FAXC: variants seen among roughly 807,000 people sequenced by gnomAD.
FAXC encodes failed axon connections homolog, metaxin like GST domain containing.
FAXC carries 10 observed loss-of-function variants against 41.9 expected under a neutral mutation model. The ratio of observed to expected loss-of-function variants is 0.24; its 90% CI spans 0.15 to 0.41. The LOEUF is 0.41. Among genes scored for constraint, FAXC ranks in the 10% least tolerant of loss-of-function variants. The pLI is 1.00. For missense variants in FAXC, 399 were observed against 510.9 expected, an observed-to-expected ratio of 0.78 and a Z score of 2.11; for synonymous variants, 183 against 183.8, an observed-to-expected ratio of 1.00 and a Z score of 0.03.
intron 2 of FAXC, among the ~76,000 whole-genome samples, chr6:99,336,683 A>G (rs573216951): frequency 1.3e-5 from 2 of 152,276 alleles, no homozygotes; most frequent in African/African-American, 4.8e-5. Flanking sequence ...TTATTCACGG[A>G]GTGACCCTGG....
In FAXC at chr6:99,349,568, G is replaced by A. The variant is rs569729316; in HGVS notation, c.-196C>T. ...AGGAAGGGCACTGGCCGCGGACGGC[G>A]GGCCTGGCCGGCGGGGCCCCAGAGC... On this transcript the variant is annotated 5_prime_UTR_variant, in exon 1 of 6. Transcript: ENST00000389677. The A allele has an allele frequency of 2.7e-5, 6 of 219,480 alleles. No homozygotes were observed. The highest frequency in any genetic ancestry group is 1.4e-4 in the South Asian group (1 of 6,964). 13.6% of individuals were successfully genotyped at this position (219,480 alleles called of 1,614,324 possible).
At chr6:99,344,433 C>G (rs1408203600) in intron 1 of FAXC, among the ~76,000 whole-genome samples, 4 of 152,188 alleles carry the variant, frequency 2.6e-5, no homozygotes, top group Admixed American at 1.3e-4. Flanking sequence ...CCCCTTCTTT[C>G]TACCTAAGCA....
chr6:99,314,059 G>A (rs1772244356), intron 4 of FAXC, among the ~76,000 whole-genome samples: 1 of 152,124 alleles, frequency 6.6e-6, no homozygotes, highest in Non-Finnish European at 1.5e-5. Context: ...GCTATTCACA[G>A]TTGTAATCAC....
At chr6:99,308,130 C>T (rs1163203424) in intron 4 of FAXC, among the ~76,000 whole-genome samples, 2 of 152,122 alleles carry the variant, frequency 1.3e-5, no homozygotes, top group African/African-American at 4.8e-5. Flanking sequence ...AACCTCGTCT[C>T]TACTAAAAAT....
rs986520648 is a variant in FAXC, at chr6:99,291,711, C to T, written c.933G>A (p.Leu311=). 5 of 1,612,544 alleles carry T rather than the reference C, an allele frequency of 3.1e-6. No individual in the cohort carries two copies. The African/African-American group carries it at 5.3e-5, about 17-fold the overall frequency. The change falls in exon 5 of 6, where the codon CTG becomes CTA. Residue 311 remains leucine (L), a synonymous_variant. Coordinates refer to ENST00000389677, the MANE Select transcript of FAXC (RefSeq NM_032511.4). The part of the protein sequence containing the change: ...WTLPGTRPER[L]IKGELINLAM... ...GAAGAGTGTAGGGCTTGCCTTTGATCAGCCGTTCGGGTCTTGTCCCTGGTA... is the reference window on the plus strand; with the variant it reads ...GAAGAGTGTAGGGCTTGCCTTTGATTAGCCGTTCGGGTCTTGTCCCTGGTA...
At chr6:99,318,210 G>A (rs1222324912) in intron 4 of FAXC, among the ~76,000 whole-genome samples, 7 of 150,704 alleles carry the variant, frequency 4.6e-5, no homozygotes, top group Admixed American at 1.3e-4. Flanking sequence ...AGTGAGCCAA[G>A]ACGGCGCCAC....
chr6:99,304,244 CCATTG>C (rs1470656142), intron 4 of FAXC, among the ~76,000 whole-genome samples: 1 of 151,954 alleles, frequency 6.6e-6, no homozygotes, highest in East Asian at 1.9e-4. Flanking sequence ...CGAGATTGCA[CCATTG>C]CACTCCAGCC....
At chr6:99,294,209 T>G (rs1771374338) in intron 4 of FAXC, among the ~76,000 whole-genome samples, 1 of 152,154 alleles carries the variant, frequency 6.6e-6, no homozygotes, top group Non-Finnish European at 1.5e-5. Flanking sequence ...CTGGGGGGAA[T>G]CCAGAGAAAG....
intron 4 of FAXC, among the ~76,000 whole-genome samples, chr6:99,319,660 C>G (rs1772520943): frequency 6.6e-6 from 1 of 152,180 alleles, no homozygotes; most frequent in Non-Finnish European, 1.5e-5. Flanking sequence ...GGTTTGAGTT[C>G]TGGAGTTATC....
Position 99,274,532 on chromosome 6 carries a change from C to T in FAXC, c.*6632G>A, listed in dbSNP as rs537790572. On this transcript the variant is annotated 3_prime_UTR_variant, in exon 6 of 6. Transcript: ENST00000389677. ...TTTCCAAACTTCACCATGGAAAAAC[C>T]ATCGCTGTCATCAACATTTGAGTTG... The T allele has an allele frequency of 6.6e-6, 1 of 152,228 alleles. No homozygotes were observed. The highest frequency in any genetic ancestry group is 2.1e-4 in the South Asian group (1 of 4,810). 9.4% of individuals were successfully genotyped at this position (152,228 alleles called of 1,614,324 possible).
Position 99,345,779 on chromosome 6 carries a change from T to A in FAXC, c.267-2746A>T, listed in dbSNP as rs369544585. On this transcript the variant is annotated intron_variant, in intron 1 of 5. Coordinates refer to ENST00000389677, the MANE Select transcript of FAXC (RefSeq NM_032511.4). ...AAATAAGCACTGGTAATGAAGTTAG[T>A]ACTTAGTCATTCAATTTACAAACAA... Among the ~76,000 whole-genome samples, 10 of 152,364 alleles carry A rather than the reference T, an allele frequency of 6.6e-5. No individual in the cohort carries two copies. In the South Asian group the frequency reaches 2.1e-3, roughly 32 times the overall value.
rs529027853 is a variant in FAXC at position 99,273,746 on chromosome 6, C to T, written c.*7418G>A. On this transcript the variant is annotated 3_prime_UTR_variant, in exon 6 of 6. Transcript: ENST00000389677. ...CTAATCAATTACAGGCATCTGGGTG[C>T]TACGCCTAAAGACTCCTTGTCCCAT... 2.0e-5 allele frequency: 3 copies of T among 152,122 alleles called. No individual in the cohort carries two copies. In the South Asian group the frequency reaches 6.2e-4, roughly 32 times the overall value. 9.4% of individuals were successfully genotyped at this position (152,122 alleles called of 1,614,324 possible). A position where few individuals can be genotyped will look rare whatever the true frequency, so the allele number is the denominator to read the frequency against.
At chr6:99,329,513 T>A (rs1337267749) in intron 3 of FAXC, among the ~76,000 whole-genome samples, 2 of 152,206 alleles carry the variant, frequency 1.3e-5, no homozygotes, top group East Asian at 3.8e-4. Flanking sequence ...TAGGGCTACA[T>A]CCTTGCTGTC....
At chr6:99,283,689 A>G (rs1770914448) in intron 5 of FAXC, among the ~76,000 whole-genome samples, 1 of 152,194 alleles carries the variant, frequency 6.6e-6, no homozygotes, top group Non-Finnish European at 1.5e-5. Flanking sequence ...ACGCCTCACC[A>G]GGTATTGCTG....
chr6:99,337,452 G>T (rs1350862458), intron 2 of FAXC, among the ~76,000 whole-genome samples: 1 of 152,116 alleles, frequency 6.6e-6, no homozygotes, highest in Non-Finnish European at 1.5e-5. Flanking sequence ...GTCTTTACAT[G>T]TCTAAAGAAA....
intron 2 of FAXC, among the ~76,000 whole-genome samples, chr6:99,339,280 T>C (rs1303740891): frequency 6.6e-6 from 1 of 152,214 alleles, no homozygotes; most frequent in Non-Finnish European, 1.5e-5. Context: ...ACCCCGGAGC[T>C]GCAGGAGCCA....
rs1770526071 is a variant in FAXC at position 99,274,408 on chromosome 6, A to G, written c.*6756T>C. Reference sequence around the variant, plus strand: ...GATACATCTCTACCACAGCCATACCACATGGTTGCTTGAAATTTTGACATT... The same window carrying G: ...GATACATCTCTACCACAGCCATACCGCATGGTTGCTTGAAATTTTGACATT... On this transcript the variant is annotated 3_prime_UTR_variant, in exon 6 of 6. Coordinates refer to ENST00000389677, the MANE Select transcript of FAXC (RefSeq NM_032511.4). 6.6e-6 allele frequency: 1 copy of G among 152,074 alleles called. No homozygotes were observed. Among genetic ancestry groups the G allele is most frequent in the Admixed American group, 6.6e-5 (1 of 15,264 alleles). The allele number at this position is 152,074 out of a possible 1,614,324, so 9.4% of individuals were successfully genotyped here.
At chr6:99,323,320 A>G (rs1772658887) in intron 4 of FAXC, 124 bp downstream of exon 4, 3 of 789,408 alleles carry the variant, frequency 3.8e-6, no homozygotes, top group South Asian at 1.8e-5. Context: ...GGGGACTGCA[A>G]TCTACACATG....
chr6:99,287,573 T>G (rs1414575877), intron 5 of FAXC, among the ~76,000 whole-genome samples: 1 of 152,178 alleles, frequency 6.6e-6, no homozygotes, highest in African/African-American at 2.4e-5. Context: ...AAATAATATG[T>G]TGGACCAAAA....
Sources: gnomAD v4.1 joint callset for allele counts (sites outside exome capture counted in the v4.1 genomes callset) on GRCh38, gnomAD v4.1.1 for gene constraint, MANE v1.5 for transcripts, NCBI Gene and HGNC (gene_info 2026-07-23, HGNC 2026-07-21) for gene names.